Variants in MSH4 observed in about 807,000 individuals in gnomAD.
The protein encoded by MSH4 is mutS homolog 4.
Under a neutral mutation model 113.7 loss-of-function variants are expected in MSH4, and 106 were observed. The observed-to-expected ratio is 0.93, with a 90% confidence interval of 0.80 to 1.10. The LOEUF (loss-of-function observed/expected upper bound fraction) is 1.10, where lower values mean the gene tolerates loss of function less well. Ranked by LOEUF, MSH4 falls within the 50% of genes least tolerant of loss-of-function variation. MSH4 has a pLI of 0.00. For synonymous variants in MSH4, 368 were observed against 380.2 expected, an observed-to-expected ratio of 0.97 and a Z score of 0.37; for missense variants, 1,061 against 1,093.7, an observed-to-expected ratio of 0.97 and a Z score of 0.42.
At chr1:75,803,118 A>G (rs1146649) in intron 1 of MSH4, among the ~76,000 whole-genome samples, 140,676 of 152,202 alleles carry the variant, frequency 0.92, 65,301 homozygotes, top group African/African-American at 0.97. Flanking sequence ...TGTAAGTTTC[A>G]GAGGGGACAG....
In MSH4 at chr1:75,837,386, C is replaced by CTT. The variant is rs34812368; in HGVS notation, c.1163-10804_1163-10803dup. ...AAACTTAATGTACCCAAATTGTGCC[C>CTT]TTTTTTTTTTTTTTTTTTTTGAGAC... On this transcript the variant is annotated intron_variant, in intron 7 of 19. Coordinates refer to ENST00000263187, the MANE Select transcript of MSH4 (RefSeq NM_002440.4). 3.7e-3 allele frequency among the ~76,000 whole-genome samples: 397 copies of CTT among 106,584 alleles called. 4 individuals are homozygous for CTT. The highest frequency in any genetic ancestry group is 5.1e-3 in the East Asian group (16 of 3,120). The allele number at this position is 106,584 out of a possible 152,430, so 69.9% of individuals were successfully genotyped here. A position where few individuals can be genotyped will look rare whatever the true frequency, so the allele number is the denominator to read the frequency against.
intron 3 of MSH4, 90 bp downstream of exon 3, chr1:75,807,231 G>A: frequency 1.9e-6 from 2 of 1,042,562 alleles, no homozygotes. Context: ...TTACTTTTTG[G>A]TAGAATAAAG....
intron 8 of MSH4, among the ~76,000 whole-genome samples, chr1:75,861,864 C>T (rs928053444): frequency 6.6e-6 from 1 of 152,194 alleles, no homozygotes; most frequent in Non-Finnish European, 1.5e-5. Flanking sequence ...CAGATATGCC[C>T]TGCCCCCAGA....
chr1:75,814,970 G>A (rs1340351863), intron 4 of MSH4, 51 bp from the exon 5 acceptor site: 2 of 1,068,918 alleles, frequency 1.9e-6, no homozygotes, highest in Admixed American at 3.9e-5. Context: ...GCAGTTTTGG[G>A]CAAGCGCATG....
intron 7 of MSH4, among the ~76,000 whole-genome samples, chr1:75,830,002 G>A (rs1423507868): frequency 6.6e-6 from 1 of 152,090 alleles, no homozygotes; most frequent in African/African-American, 2.4e-5. Context: ...AGCTAAAGGA[G>A]GATGGTCGAA....
intron 7 of MSH4, 40 bp from the exon 8 acceptor site, chr1:75,848,167 TAC>T: frequency 2.3e-6 from 3 of 1,297,558 alleles, no homozygotes; most frequent in Non-Finnish European, 3.3e-6. Flanking sequence ...TTTTGAACTG[TAC>T]CATAAAGTTT....
At chr1:75,826,455 T>C (rs919519878) in intron 7 of MSH4, among the ~76,000 whole-genome samples, 1 of 152,166 alleles carries the variant, frequency 6.6e-6, no homozygotes, top group Non-Finnish European at 1.5e-5. Context: ...CATGTCTCTG[T>C]CTCCTTCAGT....
At chr1:75,836,226 C>T (rs1650824135) in intron 7 of MSH4, among the ~76,000 whole-genome samples, 1 of 152,004 alleles carries the variant, frequency 6.6e-6, no homozygotes, top group African/African-American at 2.4e-5. Flanking sequence ...GGCTTGGTTT[C>T]CCTTCTCTGT....
chr1:75,822,364 G>T lies in MSH4; in HGVS notation c.990-45G>T. The T allele has an allele frequency of 3.3e-6, 4 of 1,207,934 alleles. No homozygotes were observed. The South Asian group carries it at 5.9e-5, about 18-fold the overall frequency. The allele number at this position is 1,207,934 out of a possible 1,614,324, so 74.8% of individuals were successfully genotyped here. On this transcript the variant is annotated intron_variant, in intron 6 of 19. Coordinates refer to ENST00000263187, the MANE Select transcript of MSH4 (RefSeq NM_002440.4). ...TTACAAAGTGAAATGAAATTTTCTT[G>T]CGTTTTTCTTTGTATTCTTACTGAC...
At chr1:75,807,694 T>C (rs1472481757) in intron 3 of MSH4, among the ~76,000 whole-genome samples, 2 of 152,200 alleles carry the variant, frequency 1.3e-5, no homozygotes, top group Admixed American at 6.5e-5. Context: ...GGTGCCAAAT[T>C]GGCAAGGGAT....
intron 1 of MSH4, among the ~76,000 whole-genome samples, chr1:75,802,981 G>A (rs1190819467): frequency 6.6e-6 from 1 of 152,018 alleles, no homozygotes; most frequent in Admixed American, 6.6e-5. Flanking sequence ...CTACTCTCGT[G>A]ATAACCCATT....
chr1:75,855,642 A>G (rs1239793155), intron 8 of MSH4, among the ~76,000 whole-genome samples: 1 of 152,158 alleles, frequency 6.6e-6, no homozygotes, highest in Non-Finnish European at 1.5e-5. Flanking sequence ...TTCCTCTTCA[A>G]ATGGTGGTGT....
intron 19 of MSH4, among the ~76,000 whole-genome samples, chr1:75,906,863 T>A (rs1199051024): frequency 6.7e-6 from 1 of 149,778 alleles, no homozygotes; most frequent in African/African-American, 2.5e-5. Context: ...AGATTGAGTC[T>A]CACTCTCTTG....
chr1:75,814,533 A>C (rs1199479456), intron 4 of MSH4, among the ~76,000 whole-genome samples: 1 of 140,078 alleles, frequency 7.1e-6, no homozygotes, highest in Non-Finnish European at 1.6e-5. Flanking sequence ...TATATCATAG[A>C]TAGGTAGAAT....
rs1448276069 is a variant in MSH4, at chr1:75,815,145, T to C, written c.815+9T>C. The stretch of plus-strand genomic sequence containing the variant: ...ATGGAGGTTCAGTCCAAGTAAGTTA[T>C]ATATTTATTTATTTTTTTACTAGCC... On this transcript the variant is annotated intron_variant, in intron 5 of 19. Transcript: ENST00000263187. 4 of 1,409,418 alleles carry C rather than the reference T, an allele frequency of 2.8e-6. No individual in the cohort carries two copies. In the East Asian group the frequency reaches 1.0e-4, roughly 35 times the overall value. 87.3% of individuals were successfully genotyped at this position (1,409,418 alleles called of 1,614,324 possible).
chr1:75,863,588 C>G (rs1651505758), intron 8 of MSH4, among the ~76,000 whole-genome samples: 1 of 152,064 alleles, frequency 6.6e-6, no homozygotes, highest in African/African-American at 2.4e-5. Flanking sequence ...AAACCCATTC[C>G]AAACAAATCT....
chr1:75,871,581 T>G (rs1651713252), intron 9 of MSH4, among the ~76,000 whole-genome samples: 1 of 152,326 alleles, frequency 6.6e-6, no homozygotes, highest in East Asian at 1.9e-4. Flanking sequence ...TTCATTTATC[T>G]TAAAGGATGT....
chr1:75,907,689 CATATATATAT>C (rs71071973), intron 19 of MSH4, among the ~76,000 whole-genome samples: 7 of 78,618 alleles, frequency 8.9e-5, no homozygotes, highest in Admixed American at 3.1e-4. Context: ...TCTCTCTATA[CATATATATAT>C]ATATATATAT....
At position 75,822,545 on chromosome 1, in the gene MSH4, C is replaced by T. The variant is rs764927583; in HGVS notation, c.1126C>T (p.Leu376Phe). 3 of 1,548,980 alleles carry T rather than the reference C, an allele frequency of 1.9e-6. No individual in the cohort carries two copies. The highest frequency in any genetic ancestry group is 1.3e-5 in the South Asian group (1 of 79,268). Residue 376 changes from leucine (L) to phenylalanine (F), a missense_variant, in exon 7 of 20, where the codon CTT becomes TTT. Coordinates refer to ENST00000263187, the MANE Select transcript of MSH4 (RefSeq NM_002440.4). ...GAGATTAGATTGTGTTCAAGAACTA[C>T]TTCAAGATGAGGAACTATTTTTTGG... ...NMRLDCVQEL[L>F]QDEELFFGLQ...
Sources: allele counts gnomAD v4.1 joint callset (sites outside exome capture counted in the v4.1 genomes callset), GRCh38; gene constraint gnomAD v4.1.1; transcripts MANE v1.5; gene names NCBI Gene and HGNC (gene_info 2026-07-23, HGNC 2026-07-21).